The following SHISA9 variants were observed in gnomAD, a reference collection of about 807,000 sequenced individuals.
SHISA9 encodes the protein shisa family member 9.
Under a neutral mutation model 38.0 loss-of-function variants are expected in SHISA9, and 13 were observed. The ratio of observed to expected loss-of-function variants is 0.34; its 90% CI spans 0.22 to 0.54. The LOEUF is 0.54. Among genes scored for constraint, SHISA9 ranks in the 20% least tolerant of loss-of-function variants. The probability of loss-of-function intolerance (pLI) is 0.91; values close to 1 mark genes in which losing one functional copy is unlikely to be tolerated. For missense variants in SHISA9, 538 were observed against 575.8 expected, an observed-to-expected ratio of 0.93 and a Z score of 0.67; for synonymous variants, 275 against 242.0, an observed-to-expected ratio of 1.14 and a Z score of -1.27.
chr16:13,197,126 C>CACACAG lies in SHISA9; in HGVS notation c.692-6263_692-6262insGACACA, dbSNP rs2050952854. On this transcript the variant is annotated intron_variant, in intron 2 of 4. Coordinates refer to ENST00000558583, the MANE Select transcript of SHISA9 (RefSeq NM_001145204.3). ...ACATACACACACACACACACACACA[C>CACACAG]ACACACACACATATATGTGTATATA... 4.8e-3 allele frequency among the ~76,000 whole-genome samples: 718 copies of CACACAG among 150,240 alleles called. 14 individuals carry two copies. Among genetic ancestry groups the CACACAG allele is most frequent in the African/African-American group, 0.017 (678 of 40,654 alleles).
chr16:13,203,682 T>TC lies in SHISA9; in HGVS notation c.847+134dup, dbSNP rs2051029592. 5.2e-6 allele frequency: 5 copies of TC among 959,026 alleles called. 1 individual carries two copies. Among genetic ancestry groups the TC allele is most frequent in the Middle Eastern group, 2.4e-4 (1 of 4,194 alleles). The allele number at this position is 959,026 out of a possible 1,614,324, so 59.4% of individuals were successfully genotyped here. On this transcript the variant is annotated intron_variant, in intron 3 of 4. Transcript: ENST00000558583. ...CTCTCTTTTTTTCTCTTTCTGCTTT[T>TC]CTCTGCCTCTATCTCATTTTTGTTC... is the stretch of plus-strand genomic sequence containing the variant.
At chr16:13,411,973 A>G in the SHISA9 span, among the ~76,000 whole-genome samples, 1 of 151,794 alleles carries the variant, frequency 6.6e-6, no homozygotes, top group Non-Finnish European at 1.5e-5. Context: ...TACAATAGTC[A>G]GCAGGTGTGA....
intron 2 of SHISA9, among the ~76,000 whole-genome samples, chr16:13,093,269 C>T (rs775035319): frequency 6.6e-6 from 1 of 152,144 alleles, no homozygotes; most frequent in Non-Finnish European, 1.5e-5. Flanking sequence ...GTAGATCCTG[C>T]CTGTCACTAT....
At chr16:13,256,645 A>G in the SHISA9 span, among the ~76,000 whole-genome samples, 1 of 152,214 alleles carries the variant, frequency 6.6e-6, no homozygotes, top group East Asian at 1.9e-4. Context: ...CTCTTTAAAG[A>G]TTAGTTTGTC....
At chr16:12,943,326 TGTGTGAGAGAGAGAGA>T (rs2071644435) in intron 2 of SHISA9, among the ~76,000 whole-genome samples, 4 of 19,970 alleles carry the variant, frequency 2.0e-4, no homozygotes, top group African/African-American at 7.9e-4. Flanking sequence ...TGTGTGTGTG[TGTGTGAGAGAGAGAGA>T]GAGAGAGAGA....
the SHISA9 span, among the ~76,000 whole-genome samples, chr16:13,535,993 AT>A: frequency 2.7e-5 from 4 of 146,100 alleles, no homozygotes; most frequent in African/African-American, 5.2e-5. Flanking sequence ...GACTTTGCAT[AT>A]TTTTTTCTTT....
At chr16:13,063,607 C>T (rs1328219530) in intron 2 of SHISA9, among the ~76,000 whole-genome samples, 1 of 152,138 alleles carries the variant, frequency 6.6e-6, no homozygotes, top group African/African-American at 2.4e-5. Context: ...TCTTTCTTTA[C>T]ATCAGGAAAG....
At chr16:13,138,967 T>C (rs565524246) in intron 2 of SHISA9, among the ~76,000 whole-genome samples, 1 of 152,220 alleles carries the variant, frequency 6.6e-6, no homozygotes, top group Non-Finnish European at 1.5e-5. Context: ...CCCTGAAGCA[T>C]TGCGGGATGG....
chr16:13,289,096 G>A, the SHISA9 span, among the ~76,000 whole-genome samples: 3 of 152,262 alleles, frequency 2.0e-5, no homozygotes, highest in Non-Finnish European at 4.4e-5. Context: ...ATGAGTTAAG[G>A]AAGAGGAAGA....
At chr16:13,145,415 T>C (rs998482120) in intron 2 of SHISA9, among the ~76,000 whole-genome samples, 4 of 152,136 alleles carry the variant, frequency 2.6e-5, no homozygotes, top group African/African-American at 9.7e-5. Context: ...TAATCCCAGC[T>C]ACTCGGGAGG....
chr16:13,451,418 G>T, the SHISA9 span, among the ~76,000 whole-genome samples: 2 of 152,194 alleles, frequency 1.3e-5, no homozygotes, highest in African/African-American at 4.8e-5. Flanking sequence ...TATTGGGAGA[G>T]ACTAAGTCAT....
the SHISA9 span, among the ~76,000 whole-genome samples, chr16:13,280,299 C>T: frequency 1.3e-5 from 2 of 151,576 alleles, no homozygotes; most frequent in African/African-American, 4.8e-5. Context: ...TTGAGAGCCT[C>T]ATTATGCTTT....
chr16:13,099,664 C>A (rs544538436), intron 2 of SHISA9, among the ~76,000 whole-genome samples: 1 of 152,194 alleles, frequency 6.6e-6, no homozygotes, highest in African/African-American at 2.4e-5. Context: ...CATGGCTGGA[C>A]CCCGATGGGC....
chr16:13,162,643 T>A (rs781374900), intron 2 of SHISA9, among the ~76,000 whole-genome samples: 2 of 152,210 alleles, frequency 1.3e-5, no homozygotes, highest in Non-Finnish European at 1.5e-5. Flanking sequence ...CTTGACAGTG[T>A]GTTACACACA....
chr16:13,088,184 T>C (rs1439940549), intron 2 of SHISA9, among the ~76,000 whole-genome samples: 2 of 152,206 alleles, frequency 1.3e-5, no homozygotes, highest in Non-Finnish European at 2.9e-5. Flanking sequence ...GGTCTATATA[T>C]CTGTTTTGTT....
chr16:13,434,022 T>C, the SHISA9 span, among the ~76,000 whole-genome samples: 2 of 152,176 alleles, frequency 1.3e-5, no homozygotes. Flanking sequence ...AGTAGCAAGA[T>C]ACCCAGTACG....
At chr16:13,329,950 T>G in the SHISA9 span, among the ~76,000 whole-genome samples, 1 of 152,240 alleles carries the variant, frequency 6.6e-6, no homozygotes, top group African/African-American at 2.4e-5. Context: ...ATCTTTGCCT[T>G]GAGCATTAAT....
intron 2 of SHISA9, among the ~76,000 whole-genome samples, chr16:13,197,156 T>TATATAG (rs908292344): frequency 1.2e-4 from 17 of 141,384 alleles, no homozygotes; most frequent in African/African-American, 3.6e-4. Flanking sequence ...TATATATATA[T>TATATAG]AGAGAGAGAG....
the SHISA9 span, among the ~76,000 whole-genome samples, chr16:13,408,667 A>G: frequency 6.6e-6 from 1 of 152,350 alleles, no homozygotes. Flanking sequence ...TATGAGTTGT[A>G]TACTTTAGAA....
Sources: gnomAD v4.1 joint callset for allele counts (sites outside exome capture counted in the v4.1 genomes callset) on GRCh38, gnomAD v4.1.1 for gene constraint, MANE v1.5 for transcripts, NCBI Gene and HGNC (gene_info 2026-07-23, HGNC 2026-07-21) for gene names.